MYT1L: variants seen among roughly 807,000 people sequenced by gnomAD.
MYT1L encodes the protein myelin transcription factor 1-like protein.
MYT1L carries 12 observed loss-of-function variants against 126.7 expected under a neutral mutation model. That is an observed-to-expected ratio of 0.09 (90% CI 0.06 to 0.15). The LOEUF (loss-of-function observed/expected upper bound fraction) is 0.15, where lower values mean the gene tolerates loss of function less well. Ranked by LOEUF, MYT1L falls within the 10% of genes least tolerant of loss-of-function variation. The probability of loss-of-function intolerance (pLI) is 1.00; values close to 1 mark genes in which losing one functional copy is unlikely to be tolerated. For synonymous variants in MYT1L, 541 were observed against 604.2 expected, an observed-to-expected ratio of 0.90 and a Z score of 1.53; for missense variants, 979 against 1,585.2, an observed-to-expected ratio of 0.62 and a Z score of 6.49.
chr2:2,165,171 G>C (rs1311641266), intron 3 of MYT1L, among the ~76,000 whole-genome samples: 1 of 152,176 alleles, frequency 6.6e-6, no homozygotes, highest in Admixed American at 6.5e-5. Flanking sequence ...GAGATTTCAA[G>C]TTCTATGATC....
chr2:2,138,986 G>A (rs985419196), intron 3 of MYT1L, among the ~76,000 whole-genome samples: 17 of 151,942 alleles, frequency 1.1e-4, no homozygotes, highest in African/African-American at 1.5e-4. Context: ...CACTACCAAC[G>A]GCACATGCAA....
At chr2:2,006,666 C>T (rs941963868) in intron 4 of MYT1L, among the ~76,000 whole-genome samples, 5 of 152,182 alleles carry the variant, frequency 3.3e-5, no homozygotes, top group Admixed American at 6.5e-5. Flanking sequence ...ACCTCTGCCT[C>T]CTGGGTTCAA....
At chr2:2,229,001 C>A (rs2094093144) in intron 2 of MYT1L, among the ~76,000 whole-genome samples, 1 of 152,282 alleles carries the variant, frequency 6.6e-6, no homozygotes, top group African/African-American at 2.4e-5. Flanking sequence ...GCTCCGATTT[C>A]TCAGCAGCAA....
intron 8 of MYT1L, among the ~76,000 whole-genome samples, chr2:1,945,120 CGGGGCT>C (rs2057082788): frequency 6.6e-6 from 1 of 152,044 alleles, no homozygotes; most frequent in African/African-American, 2.4e-5. Context: ...GAGCATAGAG[CGGGGCT>C]GGGCCAGGAG....
intron 3 of MYT1L, among the ~76,000 whole-genome samples, chr2:2,130,736 C>CAT (rs1284395152): frequency 6.6e-6 from 1 of 152,168 alleles, no homozygotes; most frequent in Non-Finnish European, 1.5e-5. Context: ...TTTGTGTCAA[C>CAT]ATAGATGCTT....
At chr2:2,017,233 G>A (rs553706803) in intron 4 of MYT1L, among the ~76,000 whole-genome samples, 2 of 152,332 alleles carry the variant, frequency 1.3e-5, no homozygotes, top group East Asian at 1.9e-4. Flanking sequence ...GCACTCACCT[G>A]ACATCAACTA....
intron 8 of MYT1L, among the ~76,000 whole-genome samples, chr2:1,948,035 C>T (rs1039606633): frequency 3.9e-5 from 6 of 152,220 alleles, no homozygotes; most frequent in Non-Finnish European, 7.4e-5. Flanking sequence ...GTGATAGAAG[C>T]GTCGGCTGTT....
At chr2:1,956,578 A>C (rs6705958) in intron 8 of MYT1L, among the ~76,000 whole-genome samples, 1 of 50,964 alleles carries the variant, frequency 2.0e-5, no homozygotes, top group Non-Finnish European at 4.2e-5. Flanking sequence ...TTCCTATTCT[A>C]TCTATCTATC....
chr2:2,288,538 G>T (rs531511203), intron 1 of MYT1L, among the ~76,000 whole-genome samples: 1 of 152,280 alleles, frequency 6.6e-6, no homozygotes, highest in Admixed American at 6.5e-5. Context: ...TTTGGTCACA[G>T]CATGAAAACA....
At chr2:1,951,519 G>T (rs1365555142) in intron 8 of MYT1L, among the ~76,000 whole-genome samples, 1 of 152,204 alleles carries the variant, frequency 6.6e-6, no homozygotes, top group East Asian at 1.9e-4. Context: ...GAAGGCTGGG[G>T]TCATCACCCA....
chr2:1,937,920 A>T (rs2149231525), intron 9 of MYT1L, among the ~76,000 whole-genome samples: 1 of 152,362 alleles, frequency 6.6e-6, no homozygotes, highest in East Asian at 1.9e-4. Context: ...GAAGCCAGGA[A>T]GACTTTAGAA....
intron 21 of MYT1L, among the ~76,000 whole-genome samples, chr2:1,813,518 G>A (rs1407104822): frequency 6.6e-6 from 1 of 152,192 alleles, no homozygotes; most frequent in African/African-American, 2.4e-5. Context: ...GAACCGGGCC[G>A]TACAGGTGGA....
At chr2:2,130,084 C>T (rs2082182596) in intron 3 of MYT1L, among the ~76,000 whole-genome samples, 1 of 151,726 alleles carries the variant, frequency 6.6e-6, no homozygotes, top group African/African-American at 2.4e-5. Flanking sequence ...AAAACATTTG[C>T]ATTATAGGAC....
chr2:2,229,948 TC>T (rs1313081704), intron 2 of MYT1L, among the ~76,000 whole-genome samples: 9 of 152,240 alleles, frequency 5.9e-5, no homozygotes, highest in Admixed American at 3.9e-4. Flanking sequence ...TGTTTTAAAT[TC>T]CTTGCATTAT....
intron 9 of MYT1L, among the ~76,000 whole-genome samples, chr2:1,935,611 A>G (rs2055772714): frequency 6.6e-6 from 1 of 152,202 alleles, no homozygotes; most frequent in Non-Finnish European, 1.5e-5. Context: ...AAGTGAAGGA[A>G]GGGCACGTAC....
chr2:2,168,326 G>A (rs189395785), intron 3 of MYT1L, among the ~76,000 whole-genome samples: 2 of 152,298 alleles, frequency 1.3e-5, no homozygotes, highest in East Asian at 3.9e-4. Flanking sequence ...GAAGCCAAGT[G>A]ACAAGTCATA....
intron 2 of MYT1L, among the ~76,000 whole-genome samples, chr2:2,232,857 G>A (rs769776875): frequency 5.3e-5 from 8 of 152,146 alleles, no homozygotes; most frequent in South Asian, 2.1e-4. Context: ...CAGGCCCTGC[G>A]TCCTCATGGC....
At chr2:1,925,145 G>C (rs187247664) in intron 9 of MYT1L, among the ~76,000 whole-genome samples, 1 of 152,320 alleles carries the variant, frequency 6.6e-6, no homozygotes, top group African/African-American at 2.4e-5. Flanking sequence ...GGAGCATTTT[G>C]AAAGTTGAGT....
intron 18 of MYT1L, among the ~76,000 whole-genome samples, chr2:1,867,816 C>T (rs2045789903): frequency 6.6e-6 from 1 of 152,164 alleles, no homozygotes; most frequent in Non-Finnish European, 1.5e-5. Flanking sequence ...ATTACATTAG[C>T]TATTCTCCAT....
Sources: gnomAD v4.1 joint callset for allele counts (sites outside exome capture counted in the v4.1 genomes callset) on GRCh38, gnomAD v4.1.1 for gene constraint, MANE v1.5 for transcripts, NCBI Gene and HGNC (gene_info 2026-07-23, HGNC 2026-07-21) for gene names.